The following KLHL36 variants were observed in gnomAD, a reference collection of about 807,000 sequenced individuals.
The protein encoded by KLHL36 is kelch like family member 36.
KLHL36 carries 35 observed loss-of-function variants against 53.3 expected under a neutral mutation model. The observed-to-expected ratio is 0.66, with a 90% confidence interval of 0.50 to 0.87. KLHL36 has a LOEUF of 0.87. Ranked by LOEUF, KLHL36 falls within the 40% of genes least tolerant of loss-of-function variation. KLHL36 has a pLI of 0.00. For missense variants in KLHL36, 864 were observed against 897.6 expected (o/e 0.96, Z 0.48); for synonymous variants, 472 against 398.9 (o/e 1.18, Z -2.18).
In KLHL36 at chr16:84,661,463, C is replaced by A. The variant is rs1907540544; in HGVS notation, c.1296-115C>A. On this transcript the variant is annotated intron_variant, in intron 4 of 4. Coordinates refer to ENST00000564996, the MANE Select transcript of KLHL36 (RefSeq NM_024731.4). The surrounding 1 kb of genome is among the most constrained non-coding windows in gnomAD (Gnocchi z 7.9). ...AGAGTGTTCATGGGGTGCCCACTCC[C>A]TATATTCTTAAATCCTCATGGCCCT... 1 of 1,050,110 alleles carries A rather than the reference C, an allele frequency of 9.5e-7. No homozygotes were observed. Among genetic ancestry groups the A allele is most frequent in the African/African-American group, 1.6e-5 (1 of 62,762 alleles). 65.0% of individuals were successfully genotyped at this position (1,050,110 alleles called of 1,614,324 possible). A position where few individuals can be genotyped will look rare whatever the true frequency, so the allele number is the denominator to read the frequency against.
chr16:84,649,190 C>T (rs926323402), intron 1 of KLHL36: 1 of 152,336 alleles, frequency 6.6e-6, no homozygotes, highest in Non-Finnish European at 1.5e-5. Flanking sequence ...TGGGGGTGGC[C>T]TTGACCCTTC....
intron 2 of KLHL36, among the ~76,000 whole-genome samples, chr16:84,655,703 C>CAAA (rs568975346): frequency 0.22 from 20,327 of 92,762 alleles, 2,359 homozygotes; most frequent in Non-Finnish European, 0.33. Flanking sequence ...GACCCTGTCT[C>CAAA]AAAAAAAAAA....
At chr16:84,651,592 C>A (rs1360900444) in intron 2 of KLHL36, among the ~76,000 whole-genome samples, 1 of 152,128 alleles carries the variant, frequency 6.6e-6, no homozygotes, top group African/African-American at 2.4e-5. Context: ...ACCTGTTTCC[C>A]CGTTATAAAT....
Position 84,650,848 on chromosome 16 carries a change from C to T in KLHL36, c.-16-4C>T. The T allele has an allele frequency of 6.2e-7, 1 of 1,607,812 alleles. No homozygotes were observed. The highest frequency in any genetic ancestry group is 1.3e-5 in the African/African-American group (1 of 74,596). The stretch of plus-strand genomic sequence containing the variant: ...CATGCTCAGAAATCCTGTTCTTCTC[C>T]TAGGGCTGAAATCTCTTTAATGATG... On this transcript the variant is annotated splice_polypyrimidine_tract_variant and splice_region_variant and intron_variant, in intron 1 of 4. Coordinates refer to ENST00000564996, the MANE Select transcript of KLHL36 (RefSeq NM_024731.4).
At chr16:84,655,480 G>A (rs1219188559) in intron 2 of KLHL36, among the ~76,000 whole-genome samples, 3 of 152,112 alleles carry the variant, frequency 2.0e-5, no homozygotes, top group Non-Finnish European at 4.4e-5. Flanking sequence ...AGGAGGCTAA[G>A]GCGGAAGAAT....
At chr16:84,651,311 T>G (rs1475972732) in intron 2 of KLHL36, among the ~76,000 whole-genome samples, 4 of 152,118 alleles carry the variant, frequency 2.6e-5, no homozygotes, top group African/African-American at 7.2e-5. Flanking sequence ...GCCTTCTACC[T>G]TAGGGTGAGG....
rs1209127041 is a variant in KLHL36, at chr16:84,657,353, C to T, written c.546C>T (p.Pro182=). ...LNHFGTLSFT[P]DFLQNVSMQK... ...ACTTCGGCACGCTGTCCTTTACGCC[C>T]GACTTCCTGCAGAACGTCTCCATGC... The change falls in exon 3 of 5, where the codon CCC becomes CCT. Residue 182 remains proline, a synonymous_variant. Coordinates refer to ENST00000564996, the MANE Select transcript of KLHL36 (RefSeq NM_024731.4). The T allele has an allele frequency of 6.2e-6, 10 of 1,612,276 alleles. No individual in the cohort carries two copies. The highest frequency in any genetic ancestry group is 4.5e-5 in the East Asian group (2 of 44,884).
At chr16:84,660,009 C>T (rs1907454767) in intron 4 of KLHL36, 92 bp downstream of exon 4, 1 of 1,240,054 alleles carries the variant, frequency 8.1e-7, no homozygotes, top group East Asian at 2.4e-5. Context: ...GCATGTTGGC[C>T]TCCAATTCCA....
In KLHL36 at chr16:84,649,645, A is replaced by G. The variant is rs115181415; in HGVS notation, c.-17+996A>G. Among the ~76,000 whole-genome samples the G allele has an allele frequency of 9.3e-3, 1,423 of 152,316 alleles. 23 individuals carry two copies. The highest frequency in any genetic ancestry group is 0.033 in the African/African-American group (1,361 of 41,572). On this transcript the variant is annotated intron_variant, in intron 1 of 4. Coordinates refer to ENST00000564996, the MANE Select transcript of KLHL36 (RefSeq NM_024731.4). ...GTCACAAAGTTTCTAGTTTGTCGAG[A>G]GGAATCCAGTTGCCCCTTCTCTCCC...
In KLHL36 at chr16:84,666,863, G is replaced by C. The variant is rs913836312; in HGVS notation, c.*4730G>C. On this transcript the variant is annotated 3_prime_UTR_variant, in exon 5 of 5. Coordinates refer to ENST00000564996, the MANE Select transcript of KLHL36 (RefSeq NM_024731.4). ...GGGGACGGATCACCTGAGGTCAAGAGTTTGAGACCACCCTGACCAACATGG... is the reference window on the plus strand; with the variant it reads ...GGGGACGGATCACCTGAGGTCAAGACTTTGAGACCACCCTGACCAACATGG... 1.3e-5 allele frequency: 2 copies of C among 152,070 alleles called. No individual in the cohort carries two copies. The highest frequency in any genetic ancestry group is 4.8e-5 in the African/African-American group (2 of 41,394). 9.4% of individuals were successfully genotyped at this position (152,070 alleles called of 1,614,324 possible). A position where few individuals can be genotyped will look rare whatever the true frequency, so the allele number is the denominator to read the frequency against.
At chr16:84,660,292 C>G (rs1907473096) in intron 4 of KLHL36, among the ~76,000 whole-genome samples, 1 of 152,188 alleles carries the variant, frequency 6.6e-6, no homozygotes, top group Non-Finnish European at 1.5e-5. Flanking sequence ...CTTCACCCCG[C>G]TCGGCCTTTA....
In KLHL36 at chr16:84,666,382, G is replaced by A. The variant is rs1286477936; in HGVS notation, c.*4249G>A. On this transcript the variant is annotated 3_prime_UTR_variant, in exon 5 of 5. Coordinates refer to ENST00000564996, the MANE Select transcript of KLHL36 (RefSeq NM_024731.4). Reference sequence around the variant, plus strand: ...TACAGCTCTAGAATTTCGTGAAGTTGCATGCAAAGTTGCATGCAGCCCGTG... The same window carrying A: ...TACAGCTCTAGAATTTCGTGAAGTTACATGCAAAGTTGCATGCAGCCCGTG... 6.6e-6 allele frequency: 1 copy of A among 152,072 alleles called. No individual in the cohort carries two copies. The highest frequency in any genetic ancestry group is 1.5e-5 in the Non-Finnish European group (1 of 68,036). 9.4% of individuals were successfully genotyped at this position (152,072 alleles called of 1,614,324 possible). A position where few individuals can be genotyped will look rare whatever the true frequency, so the allele number is the denominator to read the frequency against.
rs1907754459 is a variant in KLHL36 at position 84,664,866 on chromosome 16, A to T, written c.*2733A>T. The T allele has an allele frequency of 6.6e-6, 1 of 152,234 alleles. No individual in the cohort carries two copies. The highest frequency in any genetic ancestry group is 1.5e-5 in the Non-Finnish European group (1 of 68,058). The allele number at this position is 152,234 out of a possible 1,614,324, so 9.4% of individuals were successfully genotyped here. A position where few individuals can be genotyped will look rare whatever the true frequency, so the allele number is the denominator to read the frequency against. The stretch of plus-strand genomic sequence containing the variant: ...TGGCAAAACCCCATCTCTACAAAAA[A>T]ATTACAAAAGATTAGCCAGGGATGG... On this transcript the variant is annotated 3_prime_UTR_variant, in exon 5 of 5. Coordinates refer to ENST00000564996, the MANE Select transcript of KLHL36 (RefSeq NM_024731.4).
rs1907679144 is a variant in KLHL36, at chr16:84,663,563, T to C, written c.*1430T>C. ...CATCCGATGGCAGAGATCAGTAAAC[T>C]TCAAGATGTGCTTCATCTTCAATCC... is the stretch of plus-strand genomic sequence containing the variant. On this transcript the variant is annotated 3_prime_UTR_variant, in exon 5 of 5. Transcript: ENST00000564996. The C allele has an allele frequency of 6.6e-6, 1 of 152,124 alleles. No homozygotes were observed. Among genetic ancestry groups the C allele is most frequent in the East Asian group, 1.9e-4 (1 of 5,170 alleles). 9.4% of individuals were successfully genotyped at this position (152,124 alleles called of 1,614,324 possible). A position where few individuals can be genotyped will look rare whatever the true frequency, so the allele number is the denominator to read the frequency against.
chr16:84,658,269 G>A (rs1427577128), intron 3 of KLHL36: 2 of 247,926 alleles, frequency 8.1e-6, no homozygotes, highest in Non-Finnish European at 1.5e-5. Flanking sequence ...AATGTGGCCA[G>A]TGCGACTGAA....
rs960860014 is a variant in KLHL36, at chr16:84,661,103, T to A, written c.1296-475T>A. 1.1e-4 allele frequency among the ~76,000 whole-genome samples: 17 copies of A among 152,058 alleles called. No homozygotes were observed. The highest frequency in any genetic ancestry group is 3.9e-4 in the African/African-American group (16 of 41,398). On this transcript the variant is annotated intron_variant, in intron 4 of 4. Coordinates refer to ENST00000564996, the MANE Select transcript of KLHL36 (RefSeq NM_024731.4). This position sits in a 1 kb window ranked among gnomAD's most constrained non-coding sequence, Gnocchi z 7.9. ...GTGCTGTCCATCCCTCCCTCCCCTC[T>A]CCCCACAGTCCTGGCAGCCACTGAT...
At position 84,665,929 on chromosome 16, in the gene KLHL36, A is replaced by G. The variant is rs564601027; in HGVS notation, c.*3796A>G. On this transcript the variant is annotated 3_prime_UTR_variant, in exon 5 of 5. Transcript: ENST00000564996. ...GTCCTCCATGGTGCAGCAGCATCTC[A>G]TGGGCCTTGTGGCTGTCAGAGCCCG... 6.6e-6 allele frequency: 1 copy of G among 151,700 alleles called. No individual in the cohort carries two copies. The highest frequency in any genetic ancestry group is 1.9e-4 in the East Asian group (1 of 5,160). The allele number at this position is 151,700 out of a possible 1,614,324, so 9.4% of individuals were successfully genotyped here.
At position 84,661,634 on chromosome 16, in the gene KLHL36, G is replaced by A. The variant is rs942543634; in HGVS notation, c.1352G>A (p.Gly451Asp). 1.9e-6 allele frequency: 3 copies of A among 1,551,626 alleles called. No homozygotes were observed. Among genetic ancestry groups the A allele is most frequent in the African/African-American group, 1.5e-5 (1 of 68,634 alleles). ...IYKDFVYISGGHDYQIGPYRK... is the reference protein window; with the variant it reads ...IYKDFVYISGDHDYQIGPYRK... ...AAAGACTTCGTGTACATCTCGGGGG[G>A]CCACGACTACCAAATTGGCCCCTAC... The change falls in exon 5 of 5, where the codon GGC becomes GAC. Residue 451 changes from glycine to aspartate, a missense_variant. Transcript: ENST00000564996. This position sits in a 1 kb window ranked among gnomAD's most constrained non-coding sequence, Gnocchi z 7.9.
intron 2 of KLHL36, among the ~76,000 whole-genome samples, chr16:84,656,113 C>G (rs901145765): frequency 6.6e-6 from 1 of 151,948 alleles, no homozygotes; most frequent in Admixed American, 6.6e-5. Context: ...AGGTTGGTCT[C>G]GAACTTCCTG....
Sources: allele counts gnomAD v4.1 joint callset (sites outside exome capture counted in the v4.1 genomes callset), GRCh38; gene constraint gnomAD v4.1.1; non-coding constraint Gnocchi (gnomAD v3.1); transcripts MANE v1.5; gene names NCBI Gene and HGNC (gene_info 2026-07-23, HGNC 2026-07-21).